Variants in DPP6 observed in about 807,000 individuals in gnomAD.
DPP6 encodes dipeptidyl peptidase like 6.
DPP6 carries 69 observed loss-of-function variants against 122.6 expected under a neutral mutation model. The observed-to-expected ratio is 0.56, with a 90% CI of 0.46 to 0.69. The LOEUF is 0.69. DPP6 is among the 30% of genes least tolerant of loss of function. The pLI is 0.00. For missense variants in DPP6, 928 were observed against 1,116.9 expected, an observed-to-expected ratio of 0.83 and a Z score of 2.41; for synonymous variants, 418 against 433.1, an observed-to-expected ratio of 0.97 and a Z score of 0.43.
intron 1 of DPP6, among the ~76,000 whole-genome samples, chr7:154,003,063 A>G (rs1376230220): frequency 6.6e-6 from 1 of 152,176 alleles, no homozygotes; most frequent in Non-Finnish European, 1.5e-5. Flanking sequence ...GTGATTTCTT[A>G]AACAGGTTTT....
At chr7:154,147,466 C>CTTCT (rs1343763397) in intron 1 of DPP6, among the ~76,000 whole-genome samples, 4 of 137,314 alleles carry the variant, frequency 2.9e-5, no homozygotes, top group Middle Eastern at 3.4e-3. Flanking sequence ...TCCTTCCTTC[C>CTTCT]TTCCTTCCTT....
intron 1 of DPP6, among the ~76,000 whole-genome samples, chr7:154,205,983 G>A (rs1007306314): frequency 6.6e-6 from 1 of 152,036 alleles, no homozygotes; most frequent in African/African-American, 2.4e-5. Context: ...CTTGCCTGAG[G>A]CTGGCCTCCA....
At chr7:154,211,884 C>T (rs1359679587) in intron 1 of DPP6, among the ~76,000 whole-genome samples, 1 of 152,190 alleles carries the variant, frequency 6.6e-6, no homozygotes, top group Non-Finnish European at 1.5e-5. Flanking sequence ...GCCTTTCATG[C>T]TGAATCTAAA....
intron 8 of DPP6, among the ~76,000 whole-genome samples, chr7:154,749,370 A>G (rs1587014448): frequency 1.1e-5 from 1 of 88,000 alleles, no homozygotes; most frequent in Non-Finnish European, 2.3e-5. Flanking sequence ...AGAGGGTGAG[A>G]GCATAGGACG....
At chr7:153,909,342 C>T (rs911845721) in intron 1 of DPP6, among the ~76,000 whole-genome samples, 3 of 152,106 alleles carry the variant, frequency 2.0e-5, no homozygotes, top group African/African-American at 7.2e-5. Flanking sequence ...AGCAGAGCCA[C>T]GCCCTTCCAT....
chr7:153,872,536 A>G, the DPP6 span, among the ~76,000 whole-genome samples: 1 of 152,204 alleles, frequency 6.6e-6, no homozygotes, highest in African/African-American at 2.4e-5. Context: ...ATATATATTT[A>G]TAATTTTAAA....
intron 1 of DPP6, among the ~76,000 whole-genome samples, chr7:154,162,713 A>G (rs898337097): frequency 1.3e-5 from 2 of 152,102 alleles, no homozygotes; most frequent in African/African-American, 2.4e-5. Context: ...AACACCTGGG[A>G]TCTGCATTGC....
upstream of DPP6, among the ~76,000 whole-genome samples, chr7:154,052,197 C>T (rs1800389346): frequency 6.6e-6 from 1 of 151,678 alleles, no homozygotes; most frequent in South Asian, 2.1e-4. The surrounding 1 kb of genome is among the most constrained non-coding windows in gnomAD (Gnocchi z 4.8). Flanking sequence ...CCACGACCCG[C>T]GTGGTCCCAG....
chr7:154,121,106 A>G (rs1231521461), intron 1 of DPP6, among the ~76,000 whole-genome samples: 1 of 152,128 alleles, frequency 6.6e-6, no homozygotes, highest in Non-Finnish European at 1.5e-5. Flanking sequence ...GCCTTCCTCC[A>G]TAACTGTAAG....
At chr7:154,591,497 A>G (rs1832807093) in intron 5 of DPP6, among the ~76,000 whole-genome samples, 1 of 152,164 alleles carries the variant, frequency 6.6e-6, no homozygotes, top group Non-Finnish European at 1.5e-5. Flanking sequence ...AATGATCATG[A>G]TCCCAGGAGG....
chr7:154,699,243 G>A (rs1840383257), intron 7 of DPP6, among the ~76,000 whole-genome samples: 2 of 152,238 alleles, frequency 1.3e-5, no homozygotes, highest in African/African-American at 4.8e-5. Flanking sequence ...ACTCGTATTA[G>A]GACTGTATAC....
At chr7:153,909,311 AG>A (rs1167173097) in intron 1 of DPP6, among the ~76,000 whole-genome samples, 1 of 152,160 alleles carries the variant, frequency 6.6e-6, no homozygotes, top group Non-Finnish European at 1.5e-5. Context: ...TCAGCAGAGC[AG>A]GGGCTGGGCA....
At chr7:154,852,465 G>GCTCTCCTGGCTCTCCTGC (rs1230849849) in intron 16 of DPP6, among the ~76,000 whole-genome samples, 3 of 79,600 alleles carry the variant, frequency 3.8e-5, no homozygotes, top group Non-Finnish European at 9.0e-5. Context: ...AAAGGGACAG[G>GCTCTCCTGGCTCTCCTGC]CTCTCCTGGC....
At chr7:154,288,186 C>T (rs1804976650) in intron 1 of DPP6, among the ~76,000 whole-genome samples, 3 of 152,190 alleles carry the variant, frequency 2.0e-5, no homozygotes, top group Admixed American at 2.0e-4. Context: ...CTGATTCCTC[C>T]TCCAGTGCAG....
chr7:154,522,419 C>A (rs548679594), intron 3 of DPP6, among the ~76,000 whole-genome samples: 13 of 152,238 alleles, frequency 8.5e-5, no homozygotes, highest in African/African-American at 3.1e-4. Flanking sequence ...AGCTCATTAA[C>A]CAGCCAGCAA....
intron 1 of DPP6, among the ~76,000 whole-genome samples, chr7:154,105,666 A>T (rs140411674): frequency 0.047 from 7,110 of 151,838 alleles, 599 homozygotes; most frequent in African/African-American, 0.16. Flanking sequence ...TGCTGTTCTC[A>T]TGAGAATGAA....
chr7:154,301,829 C>G (rs911730947), intron 1 of DPP6, among the ~76,000 whole-genome samples: 1 of 124,552 alleles, frequency 8.0e-6, no homozygotes, highest in Non-Finnish European at 1.6e-5. Context: ...AGACAGAGCT[C>G]TCACCCGGGC....
At chr7:154,594,887 G>A (rs1393870625) in intron 5 of DPP6, among the ~76,000 whole-genome samples, 3 of 152,150 alleles carry the variant, frequency 2.0e-5, no homozygotes, top group Non-Finnish European at 2.9e-5. Flanking sequence ...CATGAACAGA[G>A]ACACAATGCC....
At chr7:154,876,958 A>T (rs920386408) in intron 20 of DPP6, 1 of 152,268 alleles carries the variant, frequency 6.6e-6, no homozygotes, top group Admixed American at 6.5e-5. Flanking sequence ...CGCGACCATG[A>T]TCATCACCGT....
Sources: gnomAD v4.1 joint callset for allele counts (sites outside exome capture counted in the v4.1 genomes callset) on GRCh38, gnomAD v4.1.1 for gene constraint, Gnocchi (gnomAD v3.1) non-coding constraint, MANE v1.5 for transcripts, NCBI Gene and HGNC (gene_info 2026-07-23, HGNC 2026-07-21) for gene names.